Variants in RSF1 observed in about 807,000 individuals in gnomAD.
RSF1 encodes HBV pX-associated protein 8.
A neutral mutation model predicts 145.2 loss-of-function variants in RSF1; 13 were observed. The observed-to-expected ratio is 0.09, with a 90% confidence interval of 0.06 to 0.14. The LOEUF is 0.14. Among genes scored for constraint, RSF1 ranks in the 10% least tolerant of loss-of-function variants. RSF1 has a pLI of 1.00. For missense variants in RSF1, 1,517 were observed against 1,718.2 expected (o/e 0.88, Z 2.07); for synonymous variants, 577 against 592.6 (o/e 0.97, Z 0.38).
At chr11:77,773,304 T>C (rs910384615) in intron 1 of RSF1, among the ~76,000 whole-genome samples, 6 of 152,020 alleles carry the variant, frequency 3.9e-5, no homozygotes, top group South Asian at 2.1e-4. Context: ...TAGTGTACAA[T>C]CAGTGGCGCC....
At chr11:77,794,310 C>T (rs180732674) in intron 1 of RSF1, among the ~76,000 whole-genome samples, 6 of 152,120 alleles carry the variant, frequency 3.9e-5, no homozygotes, top group African/African-American at 1.4e-4. Context: ...TTTAAGAAAT[C>T]GAAATCATCT....
intron 1 of RSF1, among the ~76,000 whole-genome samples, chr11:77,819,971 A>C (rs568024836): frequency 5.6e-4 from 86 of 152,224 alleles, no homozygotes; most frequent in Middle Eastern, 3.4e-3. Context: ...CAAATCTCTC[A>C]GGGGAGTTCC....
At chr11:77,842,638 T>C in the RSF1 span, 3 of 1,613,206 alleles carry the variant, frequency 1.9e-6, no homozygotes, top group African/African-American at 2.7e-5. Flanking sequence ...GGTAAGATAT[T>C]AGTCTTTGGT....
At chr11:77,789,987 G>C (rs968256599) in intron 1 of RSF1, among the ~76,000 whole-genome samples, 1 of 152,140 alleles carries the variant, frequency 6.6e-6, no homozygotes, top group African/African-American at 2.4e-5. Context: ...CACAGCCACC[G>C]CCAACACCAG....
chr11:77,744,799 A>T (rs1378488061), intron 3 of RSF1, among the ~76,000 whole-genome samples: 1 of 152,230 alleles, frequency 6.6e-6, no homozygotes, highest in Non-Finnish European at 1.5e-5. Flanking sequence ...TGGGATCAGT[A>T]TAATGCTGGC....
chr11:77,833,011 T>TATA, the RSF1 span, among the ~76,000 whole-genome samples: 9 of 96,726 alleles, frequency 9.3e-5, no homozygotes, highest in African/African-American at 3.0e-4. Flanking sequence ...ATATATATAT[T>TATA]TTTTTTTTTT....
chr11:77,798,562 C>T (rs1200698829), intron 1 of RSF1, among the ~76,000 whole-genome samples: 1 of 104,772 alleles, frequency 9.5e-6, no homozygotes, highest in Non-Finnish European at 1.7e-5. Context: ...GTCTGCATGA[C>T]AGGAACGAGA....
the RSF1 span, among the ~76,000 whole-genome samples, chr11:77,836,843 TA>T: frequency 1.3e-5 from 2 of 152,108 alleles, no homozygotes; most frequent in Non-Finnish European, 2.9e-5. Context: ...TGGGCACCTG[TA>T]ATCCTAACTT....
intron 2 of RSF1, chr11:77,762,406 C>G (rs925947571): frequency 6.6e-6 from 1 of 152,188 alleles, no homozygotes; most frequent in African/African-American, 2.4e-5. Context: ...ACATCCACCC[C>G]CTCCTTTCCA....
intron 1 of RSF1, among the ~76,000 whole-genome samples, chr11:77,817,154 C>T (rs1337749985): frequency 1.3e-5 from 2 of 152,180 alleles, no homozygotes; most frequent in African/African-American, 2.4e-5. Context: ...TTTCTCACAG[C>T]AGCCCTAGGC....
At chr11:77,689,327 T>C (rs1286390668) in intron 9 of RSF1, among the ~76,000 whole-genome samples, 3 of 152,214 alleles carry the variant, frequency 2.0e-5, no homozygotes, top group Admixed American at 1.3e-4. Context: ...GCCGCCCCAC[T>C]TTCTATAGAG....
At chr11:77,680,256 G>T (rs1959822177) in intron 11 of RSF1, among the ~76,000 whole-genome samples, 1 of 151,496 alleles carries the variant, frequency 6.6e-6, no homozygotes, top group Non-Finnish European at 1.5e-5. Context: ...TATATGGTGA[G>T]ACCCTGTATC....
the RSF1 span, among the ~76,000 whole-genome samples, chr11:77,844,807 G>A: frequency 6.6e-6 from 1 of 152,202 alleles, no homozygotes; most frequent in Admixed American, 6.5e-5. Flanking sequence ...TCACATAGGA[G>A]TGGGTCAGTG....
At chr11:77,719,243 A>C (rs1387287070) in intron 5 of RSF1, among the ~76,000 whole-genome samples, 1 of 152,182 alleles carries the variant, frequency 6.6e-6, no homozygotes, top group African/African-American at 2.4e-5. Context: ...TCTAAAAATA[A>C]ATAAATACAA....
intron 1 of RSF1, among the ~76,000 whole-genome samples, chr11:77,765,305 T>C (rs1948214717): frequency 6.6e-6 from 1 of 152,126 alleles, no homozygotes; most frequent in Non-Finnish European, 1.5e-5. Flanking sequence ...ACGACAGAAA[T>C]TAAACTAACA....
At chr11:77,785,505 G>C (rs1038381938) in intron 1 of RSF1, among the ~76,000 whole-genome samples, 1 of 151,992 alleles carries the variant, frequency 6.6e-6, no homozygotes, top group African/African-American at 2.4e-5. Flanking sequence ...CAGGAGAATT[G>C]CTTGAACCTG....
chr11:77,735,641 TA>T (rs1961330419), intron 4 of RSF1, among the ~76,000 whole-genome samples: 1 of 152,182 alleles, frequency 6.6e-6, no homozygotes, highest in Admixed American at 6.5e-5. Context: ...AAATAATACT[TA>T]CTAGCTAAGA....
chr11:77,698,770 G>A, intron 6 of RSF1, 77 bp from the exon 7 acceptor site: 1 of 1,228,692 alleles, frequency 8.1e-7, no homozygotes, highest in Non-Finnish European at 1.2e-6. Flanking sequence ...CATGTCCATT[G>A]TATAATAATA....
At chr11:77,853,997 T>C in the RSF1 span, among the ~76,000 whole-genome samples, 1 of 150,240 alleles carries the variant, frequency 6.7e-6, no homozygotes, top group Non-Finnish European at 1.5e-5. Context: ...CAAATTCTTT[T>C]TTTTTTTTTT....
Sources: gnomAD v4.1 joint callset for allele counts (sites outside exome capture counted in the v4.1 genomes callset) on GRCh38, gnomAD v4.1.1 for gene constraint, MANE v1.5 for transcripts, NCBI Gene and HGNC (gene_info 2026-07-23, HGNC 2026-07-21) for gene names.